LRP6: variants seen among roughly 807,000 people sequenced by gnomAD.
LRP6 encodes low-density lipoprotein receptor-related protein 6.
LRP6 carries 43 observed loss-of-function variants against 184.1 expected under a neutral mutation model. The ratio of observed to expected loss-of-function variants is 0.23; its 90% confidence interval spans 0.18 to 0.30. The LOEUF (loss-of-function observed/expected upper bound fraction) is 0.30. LRP6 is among the 10% of genes least tolerant of loss of function. The pLI is 1.00. For synonymous variants in LRP6, 719 were observed against 684.9 expected (o/e 1.05, Z -0.78); for missense variants, 1,571 against 2,005.3 (o/e 0.78, Z 4.14).
At position 12,267,004 on chromosome 12, in the gene LRP6, T is replaced by A. The variant is rs1308016313; in HGVS notation, c.-269A>T. The A allele has an allele frequency of 1.9e-6, 1 of 517,440 alleles. No homozygotes were observed. Among genetic ancestry groups the A allele is most frequent in the East Asian group, 3.6e-5 (1 of 28,146 alleles). The allele number at this position is 517,440 out of a possible 1,614,324, so 32.1% of individuals were successfully genotyped here. On this transcript the variant is annotated 5_prime_UTR_variant, in exon 1 of 23. Transcript: ENST00000261349. ...CGGCGCCCCGCTTCCCCCGCGCAGC[T>A]CCTCATTCAGCCTCTGCCTCGCGCA...
chr12:12,176,929 C>A (rs1475465381), intron 7 of LRP6, among the ~76,000 whole-genome samples: 1 of 148,734 alleles, frequency 6.7e-6, no homozygotes, highest in South Asian at 2.1e-4. Context: ...CTCACTGCAA[C>A]GTCTGCCTGC....
intron 1 of LRP6, among the ~76,000 whole-genome samples, chr12:12,266,169 G>A (rs1269090535): frequency 1.3e-5 from 2 of 152,042 alleles, no homozygotes; most frequent in Non-Finnish European, 2.9e-5. Context: ...TATCCCAAAC[G>A]GAAGCCAATC....
In LRP6 at chr12:12,132,071, AG is replaced by A; in HGVS notation, c.3734-15del. ...ATGTTGGAGGTTCTTCAAATGAACA[AG>A]GAGAAGGGGAGTGACAAAAACACAA... On this transcript the variant is annotated splice_polypyrimidine_tract_variant and intron_variant, in intron 17 of 22. Transcript: ENST00000261349. The A allele has an allele frequency of 1.3e-6, 2 of 1,569,028 alleles. No homozygotes were observed. The highest frequency in any genetic ancestry group is 1.8e-6 in the Non-Finnish European group (2 of 1,138,924).
intron 8 of LRP6, 47 bp from the exon 9 acceptor site, chr12:12,164,609 T>C (rs2136950750): frequency 1.3e-6 from 2 of 1,560,176 alleles, no homozygotes; most frequent in Non-Finnish European, 1.8e-6. Flanking sequence ...CACACATTGA[T>C]ACATTCAACA....
chr12:12,147,469 G>A lies in LRP6; in HGVS notation c.3294C>T (p.Phe1098=). The A allele has an allele frequency of 6.2e-7, 1 of 1,614,078 alleles. No individual in the cohort carries two copies. Among genetic ancestry groups the A allele is most frequent in the Non-Finnish European group, 8.5e-7 (1 of 1,180,000 alleles). ...LDGTEREVLF[F]SGLSKPIALA... is the part of the protein sequence containing the mutation. ...AAGCAATTGGTTTACTTAAGCCACTGAAAAAGAGGACCTCCCGTTCTGTCC... is the reference window on the plus strand; with the variant it reads ...AAGCAATTGGTTTACTTAAGCCACTAAAAAAGAGGACCTCCCGTTCTGTCC... The change falls in exon 15 of 23, where the codon TTC becomes TTT. Residue 1098 remains phenylalanine, a synonymous_variant. Transcript: ENST00000261349.
In LRP6 at chr12:12,116,945, A is replaced by G. The variant is rs1202297749; in HGVS notation, c.*4181T>C. ...AATAGCCTGAGAGTGTGAATTCACAATACTTATAATTTAAATTTTAAAAAA... is the reference window on the plus strand; with the variant it reads ...AATAGCCTGAGAGTGTGAATTCACAGTACTTATAATTTAAATTTTAAAAAA... On this transcript the variant is annotated 3_prime_UTR_variant, in exon 23 of 23. Coordinates refer to ENST00000261349, the MANE Select transcript of LRP6 (RefSeq NM_002336.3). 1 of 152,150 alleles carries G rather than the reference A, an allele frequency of 6.6e-6. No individual in the cohort carries two copies. The highest frequency in any genetic ancestry group is 1.5e-5 in the Non-Finnish European group (1 of 68,032). 9.4% of individuals were successfully genotyped at this position (152,150 alleles called of 1,614,324 possible).
chr12:12,191,871 T>C (rs1591931433), intron 3 of LRP6, among the ~76,000 whole-genome samples: 1 of 151,168 alleles, frequency 6.6e-6, no homozygotes. Context: ...TAGAAAAAAA[T>C]ATTTTCAAAA....
intron 7 of LRP6, among the ~76,000 whole-genome samples, chr12:12,179,389 TATAGATATAGATATAGATATAG>T (rs1192141040): frequency 6.9e-6 from 1 of 145,274 alleles, no homozygotes; most frequent in Non-Finnish European, 1.5e-5. Flanking sequence ...TAGATATAGA[TATAGATATAGATATAGATATAG>T]ATATAGATAT....
At chr12:12,200,825 G>A (rs1863895452) in intron 3 of LRP6, among the ~76,000 whole-genome samples, 1 of 152,168 alleles carries the variant, frequency 6.6e-6, no homozygotes, top group African/African-American at 2.4e-5. Context: ...TTTGAGTCCT[G>A]CTTCCACGTC....
chr12:12,168,273 A>G (rs1168953398), intron 7 of LRP6, among the ~76,000 whole-genome samples: 1 of 152,216 alleles, frequency 6.6e-6, no homozygotes, highest in Non-Finnish European at 1.5e-5. Flanking sequence ...CATTAAAATT[A>G]CACACATATC....
At chr12:12,136,238 T>A (rs1228051882) in intron 16 of LRP6, among the ~76,000 whole-genome samples, 1 of 152,172 alleles carries the variant, frequency 6.6e-6, no homozygotes, top group African/African-American at 2.4e-5. Flanking sequence ...AACTTGAGTA[T>A]TATTCTATTT....
chr12:12,120,889 A>AT lies in LRP6; in HGVS notation c.*236_*237insA. ...TTGCAAAAATAAAACTTTTAGTACAAATTTTTTTTATACAAACTTTTATGG... is the reference window on the plus strand; with the variant it reads ...TTGCAAAAATAAAACTTTTAGTACAATATTTTTTTTATACAAACTTTTATGG... On this transcript the variant is annotated 3_prime_UTR_variant, in exon 23 of 23. Transcript: ENST00000261349. The AT allele has an allele frequency of 2.6e-6, 1 of 379,722 alleles. No homozygotes were observed. Among genetic ancestry groups the AT allele is most frequent in the Admixed American group, 4.1e-5 (1 of 24,228 alleles). The allele number at this position is 379,722 out of a possible 1,614,324, so 23.5% of individuals were successfully genotyped here.
At position 12,121,234 on chromosome 12, in the gene LRP6, CAAGT is replaced by C; in HGVS notation, c.4730_4733del (p.Tyr1577CysfsTer66). Reference sequence around the variant, plus strand: ...AGCTTTCATAGTTCTCCTCTGCTGACAAGTATTGGCTTCGGGGTGTGGGAGGTGG... The same window carrying C: ...AGCTTTCATAGTTCTCCTCTGCTGACATTGGCTTCGGGGTGTGGGAGGTGG... On this transcript the variant is annotated frameshift_variant, in exon 23 of 23. Transcript: ENST00000261349. LOFTEE classifies it high-confidence loss of function. The C allele has an allele frequency of 6.2e-7, 1 of 1,614,094 alleles. No homozygotes were observed. Among genetic ancestry groups the C allele is most frequent in the Non-Finnish European group, 8.5e-7 (1 of 1,180,020 alleles).
chr12:12,141,700 GA>G (rs1949936148), intron 15 of LRP6, among the ~76,000 whole-genome samples: 1 of 152,160 alleles, frequency 6.6e-6, no homozygotes. Context: ...TTTTAATTAT[GA>G]AGACAAATAG....
chr12:12,121,517 A>G (rs920549044), intron 22 of LRP6, 97 bp from the exon 23 acceptor site: 24 of 1,142,574 alleles, frequency 2.1e-5, no homozygotes, highest in Non-Finnish European at 2.9e-5. Context: ...CTACCCTATG[A>G]AAACAATAAG....
chr12:12,213,258 T>A (rs1204627425), intron 2 of LRP6, among the ~76,000 whole-genome samples: 1 of 152,148 alleles, frequency 6.6e-6, no homozygotes, highest in Non-Finnish European at 1.5e-5. Flanking sequence ...TATATTTCCA[T>A]CTCAATTTTA....
Position 12,181,126 on chromosome 12 carries a change from T to C in LRP6, c.1290A>G (p.Thr430=), listed in dbSNP as rs779676434. Residue 430 remains threonine, a synonymous_variant, in exon 6 of 23, where the codon ACA becomes ACG. Coordinates refer to ENST00000261349, the MANE Select transcript of LRP6 (RefSeq NM_002336.3). The stretch of plus-strand genomic sequence containing the variant: ...TCTTCCTCATGGTCCCATTGAGCCT[T>C]GTCACTTCTATTCGATCAGTGCCAG... ...TDTGTDRIEV[T]RLNGTMRKIL... is the part of the protein sequence containing the mutation. 1.1e-5 allele frequency: 17 copies of C among 1,614,000 alleles called. No individual in the cohort carries two copies. In the East Asian group the frequency reaches 2.9e-4, roughly 27 times the overall value.
chr12:12,180,918 G>C lies in LRP6; in HGVS notation c.1373+125C>G, dbSNP rs1482202781. 5.1e-6 allele frequency: 5 copies of C among 978,628 alleles called. No homozygotes were observed. In the Admixed American group the frequency reaches 7.7e-5, roughly 15 times the overall value. 60.6% of individuals were successfully genotyped at this position (978,628 alleles called of 1,614,324 possible). A position where few individuals can be genotyped will look rare whatever the true frequency, so the allele number is the denominator to read the frequency against. ...ATTCTAATCACCATATCCTAAAATA[G>C]ACAGCCATTAAAGAGCTGTTTACTG... On this transcript the variant is annotated intron_variant, in intron 6 of 22. Transcript: ENST00000261349.
chr12:12,242,704 A>G (rs1258379073), intron 2 of LRP6, among the ~76,000 whole-genome samples: 1 of 152,184 alleles, frequency 6.6e-6, no homozygotes, highest in Non-Finnish European at 1.5e-5. Flanking sequence ...CCACTACAAT[A>G]TTTCCTGGTG....
Sources: allele counts gnomAD v4.1 joint callset (sites outside exome capture counted in the v4.1 genomes callset), GRCh38; gene constraint gnomAD v4.1.1; transcripts MANE v1.5; gene names NCBI Gene and HGNC (gene_info 2026-07-23, HGNC 2026-07-21).